Variants in CYSTM1 observed in about 807,000 individuals in gnomAD.
CYSTM1 encodes the protein cysteine-rich transmembrane module-containing protein 1.
CYSTM1 carries 4 observed loss-of-function variants against 13.1 expected under a neutral mutation model. That is an observed-to-expected ratio of 0.31 (90% CI 0.15 to 0.70). CYSTM1 has a LOEUF of 0.70. CYSTM1 is among the 30% of genes least tolerant of loss of function. The pLI is 0.72. For synonymous variants in CYSTM1, 36 were observed against 42.7 expected (o/e 0.84, Z 0.62); for missense variants, 96 against 121.6 (o/e 0.79, Z 0.99).
chr5:140,230,899 G>A lies in CYSTM1; in HGVS notation c.188-12406G>A, dbSNP rs1369066404. ...GTGTACCCTCCTTCCACCAGCACGT[G>A]CATAAACACATACCTCTTATTCTTT... is the stretch of plus-strand genomic sequence containing the variant. On this transcript the variant is annotated intron_variant, in intron 2 of 2. Transcript: ENST00000261811. The surrounding 1 kb of genome is among the most constrained non-coding windows in gnomAD (Gnocchi z 4.1). Among the ~76,000 whole-genome samples, 2 of 152,182 alleles carry A rather than the reference G, an allele frequency of 1.3e-5. No homozygotes were observed. Among genetic ancestry groups the A allele is most frequent in the African/African-American group, 4.8e-5 (2 of 41,436 alleles).
chr5:140,181,763 G>A (rs1214094791), intron 1 of CYSTM1, among the ~76,000 whole-genome samples: 2 of 152,168 alleles, frequency 1.3e-5, no homozygotes, highest in South Asian at 2.1e-4. Flanking sequence ...CAAGAGCCAC[G>A]GGGGCCACTG....
intron 1 of CYSTM1, among the ~76,000 whole-genome samples, chr5:140,183,125 G>A (rs1171976242): frequency 6.6e-6 from 1 of 152,234 alleles, no homozygotes; most frequent in Non-Finnish European, 1.5e-5. Context: ...CTGGGAGGAG[G>A]CAGGCAGAGC....
Position 140,243,379 on chromosome 5 carries a change from T to G in CYSTM1, c.262T>G (p.Cys88Gly), listed in dbSNP as rs772926232. Residue 88 changes from cysteine to glycine, a missense_variant, in exon 3 of 3, where the codon TGT becomes GGT. Physicochemically the swap from Cys to Gly is radical, Grantham distance 159 (BLOSUM62 -3). Transcript: ENST00000261811. Reference protein sequence around the residue: ...TCLTACWTALCCCCLWDMLT With the variant: ...TCLTACWTALGCCCLWDMLT ...CCTCACAGCCTGCTGGACGGCTCTC[T>G]GTTGCTGCTGTCTCTGGGACATGCT... 5 of 1,614,170 alleles carry G rather than the reference T, an allele frequency of 3.1e-6. No homozygotes were observed. The highest frequency in any genetic ancestry group is 4.2e-6 in the Non-Finnish European group (5 of 1,180,020).
At chr5:140,233,251 G>T (rs1210052133) in intron 2 of CYSTM1, among the ~76,000 whole-genome samples, 1 of 152,136 alleles carries the variant, frequency 6.6e-6, no homozygotes, top group Non-Finnish European at 1.5e-5. Flanking sequence ...GGTAGGTTTT[G>T]CCCTGGAATG....
chr5:140,222,268 A>T (rs1561815554), intron 2 of CYSTM1, among the ~76,000 whole-genome samples: 1 of 152,212 alleles, frequency 6.6e-6, no homozygotes. Flanking sequence ...GTTTCATCCA[A>T]TTCTTATACA....
chr5:140,177,068 C>CAAAAAAAAAAAA lies in CYSTM1; in HGVS notation c.-21+1791_-21+1802dup, dbSNP rs1161281232. Among the ~76,000 whole-genome samples, 30 of 87,940 alleles carry CAAAAAAAAAAAA rather than the reference C, an allele frequency of 3.4e-4. 6 individuals carry two copies. Among genetic ancestry groups the CAAAAAAAAAAAA allele is most frequent in the South Asian group, 9.7e-4 (2 of 2,066 alleles). 57.7% of individuals were successfully genotyped at this position (87,940 alleles called of 152,430 possible). A position where few individuals can be genotyped will look rare whatever the true frequency, so the allele number is the denominator to read the frequency against. ...TGGGCGACAGAGCGAGACTCTGTCT[C>CAAAAAAAAAAAA]AAAAAAAAAAAAAAAAAAATCTCTA... On this transcript the variant is annotated intron_variant, in intron 1 of 2. Coordinates refer to ENST00000261811, the MANE Select transcript of CYSTM1 (RefSeq NM_032412.4).
chr5:140,184,952 G>T (rs183926773), intron 1 of CYSTM1, among the ~76,000 whole-genome samples: 1 of 152,350 alleles, frequency 6.6e-6, no homozygotes, highest in East Asian at 1.9e-4. Flanking sequence ...TGACTTTTCA[G>T]AATTTGCTGT....
chr5:140,176,424 C>T (rs1017017568), intron 1 of CYSTM1, among the ~76,000 whole-genome samples: 2 of 152,106 alleles, frequency 1.3e-5, no homozygotes, highest in African/African-American at 4.8e-5. Context: ...TACATGTAAA[C>T]TTTGTGGAGT....
At position 140,243,288 on chromosome 5, in the gene CYSTM1, C is replaced by T. The variant is rs1421840801; in HGVS notation, c.188-17C>T. On this transcript the variant is annotated splice_polypyrimidine_tract_variant and intron_variant, in intron 2 of 2. Transcript: ENST00000261811. The stretch of plus-strand genomic sequence containing the variant: ...TGCACCAGTCCATTCTCACCCTCTT[C>T]CCTCTTCTCCCTCCAGTGTATGTGG... 2.5e-6 allele frequency: 4 copies of T among 1,609,712 alleles called. No homozygotes were observed. The highest frequency in any genetic ancestry group is 3.4e-6 in the Non-Finnish European group (4 of 1,176,244).
chr5:140,215,417 A>G (rs1316409420), intron 2 of CYSTM1, among the ~76,000 whole-genome samples: 1 of 152,098 alleles, frequency 6.6e-6, no homozygotes, highest in African/African-American at 2.4e-5. Flanking sequence ...TCAGTGGTCC[A>G]GAAGAGCTGG....
chr5:140,194,327 T>C, intron 1 of CYSTM1, 119 bp from the exon 2 acceptor site: 1 of 944,098 alleles, frequency 1.1e-6, no homozygotes, highest in Non-Finnish European at 1.5e-6. Flanking sequence ...GAGCTAGAGA[T>C]TTGCACAAGG....
rs1319356499 is a variant in CYSTM1, at chr5:140,239,745, C to T, written c.188-3560C>T. Among the ~76,000 whole-genome samples, 1 of 152,182 alleles carries T rather than the reference C, an allele frequency of 6.6e-6. No individual in the cohort carries two copies. The highest frequency in any genetic ancestry group is 1.5e-5 in the Non-Finnish European group (1 of 68,020). On this transcript the variant is annotated intron_variant, in intron 2 of 2. Transcript: ENST00000261811. The surrounding 1 kb of genome is among the most constrained non-coding windows in gnomAD (Gnocchi z 5.4). The stretch of plus-strand genomic sequence containing the variant: ...TGTGGCAAAGCTCTGGGTGCCTGCC[C>T]CTCTGCAGGCCCCACATCAGACTGG...
chr5:140,228,954 A>C, intron 2 of CYSTM1: 1 of 396,124 alleles, frequency 2.5e-6, no homozygotes, highest in Non-Finnish European at 4.4e-6. Context: ...CAGATTTTTA[A>C]ATTTTAGCAC....
At chr5:140,238,356 C>G (rs905666598) in intron 2 of CYSTM1, among the ~76,000 whole-genome samples, 12 of 152,200 alleles carry the variant, frequency 7.9e-5, no homozygotes, top group African/African-American at 2.9e-4. Flanking sequence ...CTATCTTACC[C>G]TTCAAACAGT....
At chr5:140,207,994 A>G (rs892566797) in intron 2 of CYSTM1, among the ~76,000 whole-genome samples, 5 of 152,108 alleles carry the variant, frequency 3.3e-5, no homozygotes, top group African/African-American at 9.7e-5. Context: ...TGTTGGGGGG[A>G]ATGTAAATTA....
At chr5:140,231,920 T>C (rs1355139027) in intron 2 of CYSTM1, among the ~76,000 whole-genome samples, 2 of 152,334 alleles carry the variant, frequency 1.3e-5, no homozygotes, top group Admixed American at 1.3e-4. Flanking sequence ...AGCAAAGGGA[T>C]GATATCACAT....
At chr5:140,197,232 C>T (rs1178517204) in intron 2 of CYSTM1, among the ~76,000 whole-genome samples, 5 of 152,266 alleles carry the variant, frequency 3.3e-5, no homozygotes, top group Admixed American at 6.5e-5. Flanking sequence ...ACTGTTCATG[C>T]AGAAAATACA....
chr5:140,233,148 C>T (rs1719924273), intron 2 of CYSTM1, among the ~76,000 whole-genome samples: 1 of 152,196 alleles, frequency 6.6e-6, no homozygotes, highest in Admixed American at 6.5e-5. Context: ...CCACCCCCTA[C>T]TTTTTATGAA....
At chr5:140,212,006 T>C (rs1764373650) in intron 2 of CYSTM1, among the ~76,000 whole-genome samples, 2 of 152,150 alleles carry the variant, frequency 1.3e-5, no homozygotes, top group African/African-American at 4.8e-5. Flanking sequence ...AAATAAATAT[T>C]ACCATTTCTA....
Sources: gnomAD v4.1 joint callset for allele counts (sites outside exome capture counted in the v4.1 genomes callset) on GRCh38, gnomAD v4.1.1 for gene constraint, Gnocchi (gnomAD v3.1) non-coding constraint, MANE v1.5 for transcripts, NCBI Gene and HGNC (gene_info 2026-07-23, HGNC 2026-07-21) for gene names.